Variants in NCOA3 observed in about 807,000 individuals in gnomAD.
NCOA3 encodes the protein nuclear receptor coactivator 3.
In NCOA3, 51 loss-of-function variants were observed where a neutral mutation model predicts 158.8. The observed-to-expected ratio is 0.32, with a 90% confidence interval of 0.26 to 0.41. The LOEUF is 0.41. Among genes scored for constraint, NCOA3 ranks in the 10% least tolerant of loss-of-function variants. The probability of loss-of-function intolerance (pLI) is 1.00; values close to 1 mark genes in which losing one functional copy is unlikely to be tolerated. For missense variants in NCOA3, 1,510 were observed against 1,746.6 expected, an observed-to-expected ratio of 0.86 and a Z score of 2.41; for synonymous variants, 537 against 592.4, an observed-to-expected ratio of 0.91 and a Z score of 1.36.
chr20:47,596,323 C>T (rs1272992379), intron 2 of NCOA3, among the ~76,000 whole-genome samples: 1 of 152,074 alleles, frequency 6.6e-6, no homozygotes, highest in Non-Finnish European at 1.5e-5. Context: ...TTGTAAGATC[C>T]AACCATGTTG....
chr20:47,655,210 TAGTC>T lies in NCOA3; in HGVS notation c.*1797_*1800del, dbSNP rs2086853792. 2 of 152,206 alleles carry T rather than the reference TAGTC, an allele frequency of 1.3e-5. No homozygotes were observed. Among genetic ancestry groups the T allele is most frequent in the African/African-American group, 4.8e-5 (2 of 41,442 alleles). 9.4% of individuals were successfully genotyped at this position (152,206 alleles called of 1,614,324 possible). A position where few individuals can be genotyped will look rare whatever the true frequency, so the allele number is the denominator to read the frequency against. ...TGTTGCCTCTCTTTGACACCTGTTT[TAGTC>T]AGTTGGGAGGAAGGGAAAAATCAAG... On this transcript the variant is annotated 3_prime_UTR_variant, in exon 23 of 23. Transcript: ENST00000371998.
chr20:47,583,880 A>G (rs534444431), intron 2 of NCOA3, among the ~76,000 whole-genome samples: 2 of 152,186 alleles, frequency 1.3e-5, no homozygotes, highest in East Asian at 3.9e-4. Flanking sequence ...GCCTGTGCCC[A>G]TGAGGTTGAG....
intron 2 of NCOA3, among the ~76,000 whole-genome samples, chr20:47,609,881 A>C (rs75033497): frequency 6.6e-6 from 1 of 152,132 alleles, no homozygotes; most frequent in African/African-American, 2.4e-5. Context: ...GCAGTATTTT[A>C]TATTTTTGCT....
intron 1 of NCOA3, among the ~76,000 whole-genome samples, chr20:47,518,112 C>T (rs571474536): frequency 1.3e-5 from 2 of 151,868 alleles, no homozygotes; most frequent in East Asian, 1.9e-4. Flanking sequence ...TCTGGGAGGT[C>T]GAGGTGGGAG....
intron 8 of NCOA3, among the ~76,000 whole-genome samples, chr20:47,629,765 A>G (rs531205682): frequency 6.6e-6 from 1 of 152,326 alleles, no homozygotes; most frequent in African/African-American, 2.4e-5. Flanking sequence ...TGGCAGTGTT[A>G]ATTTTCTACT....
chr20:47,635,734 T>G, intron 11 of NCOA3, 21 bp downstream of exon 11: 1 of 1,577,888 alleles, frequency 6.3e-7, no homozygotes, highest in Non-Finnish European at 8.6e-7. Flanking sequence ...TGACATTTCC[T>G]TTTATTTTTT....
In NCOA3 at chr20:47,625,407, G is replaced by A. The variant is rs753505692; in HGVS notation, c.283G>A (p.Val95Ile). The A allele has an allele frequency of 1.2e-6, 2 of 1,613,234 alleles. No homozygotes were observed. Among genetic ancestry groups the A allele is most frequent in the Admixed American group, 3.3e-5 (2 of 59,956 alleles). ...QGKTISNDDD[V>I]QKADVSSTGQ... The stretch of plus-strand genomic sequence containing the variant: ...AAAAACTATTTCCAATGATGATGAT[G>A]TTCAAAAAGCCGATGTATCTTCTAC... Residue 95 changes from valine (V) to isoleucine (I), a missense_variant, in exon 5 of 23, where the codon GTT becomes ATT. Physicochemically the swap from Val to Ile is conservative, Grantham distance 29. Around this residue, in one of 4 missense-constraint regions of NCOA3, gnomAD observed 309 missense variants for 427.1 expected, o/e 0.72. Coordinates refer to ENST00000371998, the MANE Select transcript of NCOA3 (RefSeq NM_181659.3).
At chr20:47,624,269 A>C (rs1417970829) in intron 4 of NCOA3, among the ~76,000 whole-genome samples, 186 bp downstream of exon 4, 1 of 152,246 alleles carries the variant, frequency 6.6e-6, no homozygotes, top group African/African-American at 2.4e-5. Context: ...CATATAATGA[A>C]ATAATTATAC....
chr20:47,640,227 C>T (rs949658673), intron 16 of NCOA3, among the ~76,000 whole-genome samples, 176 bp downstream of exon 16: 3 of 152,182 alleles, frequency 2.0e-5, no homozygotes, highest in African/African-American at 4.8e-5. Flanking sequence ...AAGCAGTAAG[C>T]AGTGCGTGTG....
At chr20:47,575,275 T>A (rs1376480260) in intron 1 of NCOA3, among the ~76,000 whole-genome samples, 1 of 152,150 alleles carries the variant, frequency 6.6e-6, no homozygotes, top group Non-Finnish European at 1.5e-5. Flanking sequence ...GGCCATTTTG[T>A]AAAAAGAAGA....
At chr20:47,606,905 G>A (rs78199452) in intron 2 of NCOA3, among the ~76,000 whole-genome samples, 3 of 152,228 alleles carry the variant, frequency 2.0e-5, no homozygotes, top group South Asian at 2.1e-4. Flanking sequence ...AACTTGAATC[G>A]GCCACCATGA....
chr20:47,536,287 A>C (rs933041066), intron 1 of NCOA3, among the ~76,000 whole-genome samples: 1 of 152,036 alleles, frequency 6.6e-6, no homozygotes, highest in Non-Finnish European at 1.5e-5. Flanking sequence ...TAATATGATA[A>C]AATTTTTTTG....
At chr20:47,618,688 C>T (rs1044167202) in intron 2 of NCOA3, among the ~76,000 whole-genome samples, 1 of 152,126 alleles carries the variant, frequency 6.6e-6, no homozygotes. Flanking sequence ...TTAGGTTGGA[C>T]TCTGAAGGAG....
At chr20:47,516,956 C>T (rs996030969) in intron 1 of NCOA3, among the ~76,000 whole-genome samples, 2 of 151,692 alleles carry the variant, frequency 1.3e-5, no homozygotes, top group African/African-American at 4.8e-5. Context: ...GGTGCAGTGA[C>T]TCACATCTAT....
At chr20:47,551,102 G>A (rs1160241270) in intron 1 of NCOA3, among the ~76,000 whole-genome samples, 1 of 152,048 alleles carries the variant, frequency 6.6e-6, no homozygotes, top group Non-Finnish European at 1.5e-5. Context: ...TATATTTCAG[G>A]AGAAAGGAAG....
In NCOA3 at chr20:47,632,269, T is replaced by C. The variant is rs72645262; in HGVS notation, c.824-1227T>C. On this transcript the variant is annotated intron_variant, in intron 8 of 22. Transcript: ENST00000371998. The stretch of plus-strand genomic sequence containing the variant: ...TGGGAGAAATGTATAGGAGAAGGTA[T>C]TAGGGGGTGGGGATGAGGTTTGGAG... Among the ~76,000 whole-genome samples, 1,044 of 152,242 alleles carry C rather than the reference T, an allele frequency of 6.9e-3. 16 individuals are homozygous for C. Among genetic ancestry groups the C allele is most frequent in the African/African-American group, 0.024 (1,002 of 41,532 alleles).
intron 2 of NCOA3, among the ~76,000 whole-genome samples, chr20:47,610,392 G>T (rs1266379135): frequency 6.6e-6 from 1 of 152,040 alleles, no homozygotes; most frequent in Non-Finnish European, 1.5e-5. Flanking sequence ...GCTAATTTTT[G>T]TGTTTTTTGC....
Position 47,552,144 on chromosome 20 carries a change from A to G in NCOA3, c.-98-31039A>G, listed in dbSNP as rs67326098. ...AAAATATCAACACTCAGTTGATAAA[A>G]TGAAGTTAATTATCATATCACATTA... On this transcript the variant is annotated intron_variant, in intron 1 of 22. Coordinates refer to ENST00000371998, the MANE Select transcript of NCOA3 (RefSeq NM_181659.3). Among the ~76,000 whole-genome samples the G allele has an allele frequency of 9.7e-3, 1,481 of 152,332 alleles. 12 individuals carry two copies. Among genetic ancestry groups the G allele is most frequent in the South Asian group, 0.016 (75 of 4,832 alleles).
At chr20:47,505,422 CTT>C (rs968774924) in intron 1 of NCOA3, among the ~76,000 whole-genome samples, 6 of 151,994 alleles carry the variant, frequency 3.9e-5, no homozygotes, top group African/African-American at 9.7e-5. Flanking sequence ...CTTTTGAAAA[CTT>C]TTAATTTGTT....
Sources: gnomAD v4.1 joint callset for allele counts (sites outside exome capture counted in the v4.1 genomes callset) on GRCh38, gnomAD v4.1.1 for gene constraint, gnomAD v4.1.1 regional missense constraint, MANE v1.5 for transcripts, NCBI Gene and HGNC (gene_info 2026-07-23, HGNC 2026-07-21) for gene names.